ABCB5: variants seen among roughly 807,000 people sequenced by gnomAD.
ABCB5 encodes ATP-binding cassette sub-family B member 5.
Under a neutral mutation model 144.2 loss-of-function variants are expected in ABCB5, and 155 were observed. The observed-to-expected ratio is 1.08, with a 90% CI of 0.94 to 1.23. The LOEUF is 1.23. ABCB5 is among the 50% of genes most tolerant of loss of function. ABCB5 has a pLI of 0.00. For missense variants in ABCB5, 1,830 were observed against 1,520.8 expected (o/e 1.20, Z -3.38); for synonymous variants, 610 against 528.6 (o/e 1.15, Z -2.11).
chr7:20,713,270 G>C (rs1781555226), intron 20 of ABCB5, among the ~76,000 whole-genome samples: 1 of 146,076 alleles, frequency 6.8e-6, no homozygotes, highest in Non-Finnish European at 1.5e-5. Context: ...GTCTCATTTT[G>C]TTACCCAGGC....
intron 4 of ABCB5, 34 bp downstream of exon 4, chr7:20,628,872 G>C: frequency 6.2e-7 from 1 of 1,607,112 alleles, no homozygotes; most frequent in Non-Finnish European, 8.5e-7. Flanking sequence ...TATCACTTAA[G>C]ACACAAAAGC....
intron 7 of ABCB5, among the ~76,000 whole-genome samples, chr7:20,644,970 G>A (rs992294739): frequency 6.6e-5 from 10 of 152,328 alleles, no homozygotes; most frequent in East Asian, 1.9e-4. Flanking sequence ...CAGTAAGTTA[G>A]TAAGATCAGA....
chr7:20,631,477 T>G (rs998843384), intron 4 of ABCB5, among the ~76,000 whole-genome samples: 3 of 152,128 alleles, frequency 2.0e-5, no homozygotes, highest in African/African-American at 7.2e-5. Context: ...CAACCATGGT[T>G]TTGTGTTATT....
chr7:20,649,134 C>G (rs568839001), intron 11 of ABCB5, among the ~76,000 whole-genome samples: 1 of 152,078 alleles, frequency 6.6e-6, no homozygotes, highest in Non-Finnish European at 1.5e-5. Flanking sequence ...TAAATAAATT[C>G]TTTCAAGGAA....
chr7:20,700,131 A>T lies in ABCB5; in HGVS notation c.2333A>T (p.Tyr778Phe). 1 of 1,606,596 alleles carries T rather than the reference A, an allele frequency of 6.2e-7. No homozygotes were observed. Among genetic ancestry groups the T allele is most frequent in the Non-Finnish European group, 8.5e-7 (1 of 1,177,092 alleles). ...LRHLAFKAML[Y>F]QDIAWFDEKE... is the part of the protein sequence containing the mutation. The stretch of plus-strand genomic sequence containing the variant: ...CACTTGGCCTTCAAAGCCATGTTAT[A>T]TCAGGTCAGTGATAAGTTGATTTTT... Residue 778 changes from tyrosine (Y) to phenylalanine (F), a missense_variant, in exon 19 of 28, where the codon TAT becomes TTT. Tyr to Phe is a conservative substitution (Grantham distance 22). Transcript: ENST00000404938.
chr7:20,735,632 C>T (rs1782357856), intron 23 of ABCB5, among the ~76,000 whole-genome samples: 1 of 152,138 alleles, frequency 6.6e-6, no homozygotes, highest in Non-Finnish European at 1.5e-5. Context: ...CTGAAGGGAC[C>T]TAAAGAAGAG....
chr7:20,731,522 T>G (rs1157446777), intron 23 of ABCB5, among the ~76,000 whole-genome samples: 2 of 152,010 alleles, frequency 1.3e-5, no homozygotes, highest in Non-Finnish European at 2.9e-5. Context: ...ACCACCTGTG[T>G]CCTGATAACT....
chr7:20,728,200 G>A lies in ABCB5; in HGVS notation c.2727-115G>A, dbSNP rs567021681. 4.9e-5 allele frequency: 60 copies of A among 1,224,584 alleles called. 2 individuals are homozygous for A. The South Asian group carries it at 1.0e-3, about 20-fold the overall frequency. The allele number at this position is 1,224,584 out of a possible 1,614,324, so 75.9% of individuals were successfully genotyped here. On this transcript the variant is annotated intron_variant, in intron 22 of 27. Coordinates refer to ENST00000404938, the MANE Select transcript of ABCB5 (RefSeq NM_001163941.2). Reference sequence around the variant, plus strand: ...CTTTCTCTTTCATCATTCGAAAAATGCCTTTCCACCAAATTATAACATTTC... The same window carrying A: ...CTTTCTCTTTCATCATTCGAAAAATACCTTTCCACCAAATTATAACATTTC...
Position 20,658,522 on chromosome 7 carries a change from T to C in ABCB5, c.1553T>C (p.Val518Ala), listed in dbSNP as rs200338532. ...TTTCATTAGAAATTTAATACATTGG[T>C]AGGGGAAAAAGGAGCTCAAATGAGT... Reference protein sequence around the residue: ...MEFPNKFNTLVGEKGAQMSGG... With the variant: ...MEFPNKFNTLAGEKGAQMSGG... Residue 518 changes from valine (V) to alanine (A), a missense_variant, in exon 14 of 28, where the codon GTA (valine) becomes GCA (alanine). By Grantham distance (64) the Val-to-Ala change is moderately conservative. Coordinates refer to ENST00000404938, the MANE Select transcript of ABCB5 (RefSeq NM_001163941.2). 6 of 1,613,372 alleles carry C rather than the reference T, an allele frequency of 3.7e-6. No homozygotes were observed. The East Asian group carries it at 1.3e-4, about 36-fold the overall frequency.
intron 20 of ABCB5, among the ~76,000 whole-genome samples, chr7:20,713,855 C>A (rs1051636430): frequency 1.5e-5 from 2 of 134,754 alleles, no homozygotes; most frequent in Admixed American, 1.4e-4. Context: ...GGACCCTCTG[C>A]AGATATCTCG....
intron 13 of ABCB5, among the ~76,000 whole-genome samples, chr7:20,657,318 TA>T (rs34999687): frequency 2.0e-5 from 3 of 151,902 alleles, no homozygotes; most frequent in East Asian, 1.9e-4. Context: ...ATACTTATAC[TA>T]AAAAAAACTC....
At chr7:20,671,550 T>A (rs186710925) in intron 14 of ABCB5, among the ~76,000 whole-genome samples, 12 of 152,330 alleles carry the variant, frequency 7.9e-5, no homozygotes, top group Middle Eastern at 6.8e-3. Flanking sequence ...TCTAGAACTT[T>A]ATATAAAGGG....
rs1396561617 is a variant in ABCB5 at position 20,716,960 on chromosome 7, G to C, written c.2422-6056G>C. On this transcript the variant is annotated intron_variant, in intron 20 of 27. Transcript: ENST00000404938. ...CCCCAGCGATCTCCTCCAGTCCCAA[G>C]GCTTAGATGGCCAAACACCTACCGA... is the stretch of plus-strand genomic sequence containing the variant. 2.6e-5 allele frequency among the ~76,000 whole-genome samples: 4 copies of C among 152,258 alleles called. No individual in the cohort carries two copies. The East Asian group carries it at 5.8e-4, about 22-fold the overall frequency.
intron 20 of ABCB5, among the ~76,000 whole-genome samples, chr7:20,715,215 T>G (rs1781630446): frequency 6.6e-6 from 1 of 152,040 alleles, no homozygotes; most frequent in Non-Finnish European, 1.5e-5. Flanking sequence ...AGTTAATTTT[T>G]TTGTATTTTT....
At chr7:20,712,158 C>CAAAAAA (rs34938819) in intron 20 of ABCB5, among the ~76,000 whole-genome samples, 3 of 52,640 alleles carry the variant, frequency 5.7e-5, no homozygotes, top group Admixed American at 2.8e-4. Flanking sequence ...AAGACGCCGT[C>CAAAAAA]AAAAAAAAAA....
At chr7:20,628,480 A>G (rs1407454900) in intron 3 of ABCB5, among the ~76,000 whole-genome samples, 1 of 152,082 alleles carries the variant, frequency 6.6e-6, no homozygotes, top group Non-Finnish European at 1.5e-5. Context: ...AATGCCTTTA[A>G]AGGAGATGGT....
chr7:20,726,358 CTTTT>C (rs1172285058), intron 21 of ABCB5, among the ~76,000 whole-genome samples: 1 of 78,420 alleles, frequency 1.3e-5, no homozygotes, highest in Non-Finnish European at 2.2e-5. Context: ...TCTCTGCTAT[CTTTT>C]TTTTTTTTTT....
chr7:20,617,309 G>T (rs1310582281), intron 1 of ABCB5, among the ~76,000 whole-genome samples: 1 of 152,062 alleles, frequency 6.6e-6, no homozygotes, highest in Non-Finnish European at 1.5e-5. Context: ...CATTTCTTTA[G>T]ATTATCATTC....
chr7:20,693,706 A>G (rs1372065481), intron 16 of ABCB5, among the ~76,000 whole-genome samples: 2 of 152,060 alleles, frequency 1.3e-5, no homozygotes, highest in Non-Finnish European at 2.9e-5. Context: ...AAAATAACAA[A>G]GAAAAATCAA....
Sources: allele counts gnomAD v4.1 joint callset (sites outside exome capture counted in the v4.1 genomes callset), GRCh38; gene constraint gnomAD v4.1.1; transcripts MANE v1.5; gene names NCBI Gene and HGNC (gene_info 2026-07-23, HGNC 2026-07-21).